KCNQ1: variants seen among roughly 807,000 people sequenced by gnomAD.
KCNQ1 encodes the protein potassium voltage-gated channel subfamily KQT member 1.
KCNQ1 carries 49 observed loss-of-function variants against 72.4 expected under a neutral mutation model. That is an observed-to-expected ratio of 0.68 (90% CI 0.54 to 0.86). The LOEUF is 0.86. Ranked by LOEUF, KCNQ1 falls within the 40% of genes least tolerant of loss-of-function variation. KCNQ1 has a pLI of 0.00. For missense variants in KCNQ1, 790 were observed against 945.1 expected, an observed-to-expected ratio of 0.84 and a Z score of 2.15; for synonymous variants, 450 against 412.6, an observed-to-expected ratio of 1.09 and a Z score of -1.10.
rs1237096463 is a variant in KCNQ1, at chr11:2,734,711, G to A, written c.1515-34133G>A. Among the ~76,000 whole-genome samples the A allele has an allele frequency of 6.6e-6, 1 of 152,048 alleles. No homozygotes were observed. Among genetic ancestry groups the A allele is most frequent in the Non-Finnish European group, 1.5e-5 (1 of 68,008 alleles). ...CACATTCAGTGCCAGCCAGGGAGGT[G>A]AGAGGTAATCCTGGAAGCTGCTATG... On this transcript the variant is annotated intron_variant, in intron 11 of 15. Transcript: ENST00000155840. The surrounding 1 kb of genome is among the most constrained non-coding windows in gnomAD (Gnocchi z 7.0).
chr11:2,570,464 G>C (rs1036784981), intron 2 of KCNQ1, among the ~76,000 whole-genome samples, 164 bp from the exon 3 acceptor site: 4 of 152,224 alleles, frequency 2.6e-5, no homozygotes, highest in African/African-American at 7.2e-5. Flanking sequence ...CAGGGCCTCT[G>C]TGCGCAGGCA....
chr11:2,841,473 TG>T, intron 15 of KCNQ1, among the ~76,000 whole-genome samples: 1 of 151,890 alleles, frequency 6.6e-6, no homozygotes, highest in South Asian at 2.1e-4. Flanking sequence ...GCAAGGGGCA[TG>T]GGGGGCAGGC....
At position 2,738,433 on chromosome 11, in the gene KCNQ1, G is replaced by A. The variant is rs76298423; in HGVS notation, c.1515-30411G>A. On this transcript the variant is annotated intron_variant, in intron 11 of 15. Coordinates refer to ENST00000155840, the MANE Select transcript of KCNQ1 (RefSeq NM_000218.3). ...GCGCCATGTGAGAATGCAGCAGGTC[G>A]GGGCCACTGGCACTAGCGTGTGTGA... 7.7e-3 allele frequency among the ~76,000 whole-genome samples: 1,178 copies of A among 152,310 alleles called. 12 individuals carry two copies. The highest frequency in any genetic ancestry group is 0.027 in the African/African-American group (1,110 of 41,568).
intron 10 of KCNQ1, among the ~76,000 whole-genome samples, chr11:2,606,894 T>C (rs1326115374): frequency 3.4e-5 from 2 of 58,798 alleles, no homozygotes; most frequent in Non-Finnish European, 5.9e-5. Context: ...TATCTGTGAT[T>C]TTTTTTTTTT....
rs1850171152 is a variant in KCNQ1 at position 2,670,860 on chromosome 11, G to A, written c.1514+8779G>A. On this transcript the variant is annotated intron_variant, in intron 11 of 15. Coordinates refer to ENST00000155840, the MANE Select transcript of KCNQ1 (RefSeq NM_000218.3). The surrounding 1 kb of genome is among the most constrained non-coding windows in gnomAD (Gnocchi z 4.9). ...CCAAGGAGGTCAAAGGTCCTCACTG[G>A]CCAGTGGGCCACTGGGAAGCCTCCT... 2.5e-6 allele frequency: 1 copy of A among 398,614 alleles called. No individual in the cohort carries two copies. Among genetic ancestry groups the A allele is most frequent in the East Asian group, 3.6e-5 (1 of 28,068 alleles). 24.7% of individuals were successfully genotyped at this position (398,614 alleles called of 1,614,324 possible).
Position 2,669,072 on chromosome 11 carries a change from G to A in KCNQ1, c.1514+6991G>A. On this transcript the variant is annotated intron_variant, in intron 11 of 15. Coordinates refer to ENST00000155840, the MANE Select transcript of KCNQ1 (RefSeq NM_000218.3). The surrounding 1 kb of genome is among the most constrained non-coding windows in gnomAD (Gnocchi z 5.6). ...AGGCCCGTCCTCTCCCAACTACCCT[G>A]CCGTATCAGTGTCTTTACAATCAGC... is the stretch of plus-strand genomic sequence containing the variant. The A allele has an allele frequency of 2.5e-6, 1 of 398,718 alleles. No homozygotes were observed. The highest frequency in any genetic ancestry group is 4.4e-6 in the Non-Finnish European group (1 of 226,110). 24.7% of individuals were successfully genotyped at this position (398,718 alleles called of 1,614,324 possible).
chr11:2,662,707 G>T (rs1035570425), intron 11 of KCNQ1: 1 of 401,808 alleles, frequency 2.5e-6, no homozygotes, highest in Non-Finnish European at 4.4e-6. Context: ...GTGCAGCGGG[G>T]TCAGTGGGGC....
Position 2,471,677 on chromosome 11 carries a change from CAT to C in KCNQ1, c.386+26194_386+26195del, listed in dbSNP as rs374929764. On this transcript the variant is annotated intron_variant, in intron 1 of 15. Coordinates refer to ENST00000155840, the MANE Select transcript of KCNQ1 (RefSeq NM_000218.3). This position sits in a 1 kb window ranked among gnomAD's most constrained non-coding sequence, Gnocchi z 4.8. Reference sequence around the variant, plus strand: ...GTATGGGTGTGTGCATGGGTGTGCACATGTGTATGGGTGTGCATGTGTGTATA... The same window carrying C: ...GTATGGGTGTGTGCATGGGTGTGCACGTGTATGGGTGTGCATGTGTGTATA... Among the ~76,000 whole-genome samples, 21 of 149,734 alleles carry C rather than the reference CAT, an allele frequency of 1.4e-4. No individual in the cohort carries two copies. The highest frequency in any genetic ancestry group is 4.7e-4 in the African/African-American group (19 of 40,382).
At chr11:2,456,973 A>C (rs1261105112) in intron 1 of KCNQ1, among the ~76,000 whole-genome samples, 1 of 151,124 alleles carries the variant, frequency 6.6e-6, no homozygotes, top group Admixed American at 6.6e-5. Flanking sequence ...AAACCCAAAA[A>C]AACAAAAAGT....
intron 6 of KCNQ1, among the ~76,000 whole-genome samples, chr11:2,575,896 G>A (rs956265842): frequency 3.1e-4 from 47 of 152,328 alleles, no homozygotes; most frequent in African/African-American, 1.0e-3. Context: ...GCCAGAGCCC[G>A]AAGCGAGGTG....
intron 2 of KCNQ1, among the ~76,000 whole-genome samples, chr11:2,540,073 T>C (rs1345620924): frequency 2.0e-5 from 3 of 152,010 alleles, no homozygotes; most frequent in South Asian, 2.1e-4. Context: ...AGGGAAGTCA[T>C]TGGGGGATAA....
intron 12 of KCNQ1, among the ~76,000 whole-genome samples, chr11:2,771,001 C>T (rs1045826929): frequency 1.3e-5 from 2 of 152,210 alleles, no homozygotes; most frequent in Non-Finnish European, 2.9e-5. Context: ...TCGTGACAGC[C>T]GAAGCAGCTG....
Position 2,658,019 on chromosome 11 carries a change from T to TA in KCNQ1, c.1394-3941dup. Reference sequence around the variant, plus strand: ...GTGAATAGCTGTTTTTCCCTTTCCATAGCTTAGTCTTTAGAAGCGAGTCAC... The same window carrying TA: ...GTGAATAGCTGTTTTTCCCTTTCCATAAGCTTAGTCTTTAGAAGCGAGTCAC... On this transcript the variant is annotated intron_variant, in intron 10 of 15. Coordinates refer to ENST00000155840, the MANE Select transcript of KCNQ1 (RefSeq NM_000218.3). The surrounding 1 kb of genome is among the most constrained non-coding windows in gnomAD (Gnocchi z 4.9). 2.5e-6 allele frequency: 1 copy of TA among 398,572 alleles called. No individual in the cohort carries two copies. Among genetic ancestry groups the TA allele is most frequent in the Admixed American group, 4.4e-5 (1 of 22,738 alleles). 24.7% of individuals were successfully genotyped at this position (398,572 alleles called of 1,614,324 possible).
At position 2,703,548 on chromosome 11, in the gene KCNQ1, C is replaced by G. The variant is rs1850856277; in HGVS notation, c.1514+41467C>G. Among the ~76,000 whole-genome samples the G allele has an allele frequency of 6.6e-6, 1 of 152,182 alleles. No individual in the cohort carries two copies. The highest frequency in any genetic ancestry group is 1.5e-5 in the Non-Finnish European group (1 of 68,042). On this transcript the variant is annotated intron_variant, in intron 11 of 15. Coordinates refer to ENST00000155840, the MANE Select transcript of KCNQ1 (RefSeq NM_000218.3). The surrounding 1 kb of genome is among the most constrained non-coding windows in gnomAD (Gnocchi z 6.4). ...AATTAGGCTCAAAACGTCCACTCGG[C>G]TTTTCTCTTGATTCCAAGGTATTTA...
Position 2,554,235 on chromosome 11 carries a change from T to G in KCNQ1, c.478-16393T>G, listed in dbSNP as rs370820562. Among the ~76,000 whole-genome samples, 16 of 152,334 alleles carry G rather than the reference T, an allele frequency of 1.1e-4. 1 individual carries two copies. In the East Asian group the frequency reaches 2.1e-3, roughly 20 times the overall value. ...TGTAGAATTGCAATTATTTCTCCCT[T>G]AAACATTTGATAGCTAGAACATGTG... On this transcript the variant is annotated intron_variant, in intron 2 of 15. Transcript: ENST00000155840.
Position 2,623,588 on chromosome 11 carries a change from C to A in KCNQ1, c.1393+34734C>A, listed in dbSNP as rs1186126546. The A allele has an allele frequency of 7.5e-6, 3 of 398,370 alleles. No individual in the cohort carries two copies. Among genetic ancestry groups the A allele is most frequent in the Non-Finnish European group, 1.3e-5 (3 of 226,024 alleles). 24.7% of individuals were successfully genotyped at this position (398,370 alleles called of 1,614,324 possible). A position where few individuals can be genotyped will look rare whatever the true frequency, so the allele number is the denominator to read the frequency against. ...TTTTTTAATTACCTCCATATCTTTT[C>A]ATGGCTTGATAGCTCATTTCTATTT... On this transcript the variant is annotated intron_variant, in intron 10 of 15. Coordinates refer to ENST00000155840, the MANE Select transcript of KCNQ1 (RefSeq NM_000218.3). This position sits in a 1 kb window ranked among gnomAD's most constrained non-coding sequence, Gnocchi z 5.2.
At chr11:2,696,716 A>G in intron 11 of KCNQ1, 1 of 398,536 alleles carries the variant, frequency 2.5e-6, no homozygotes, top group Non-Finnish European at 4.4e-6. Context: ...ATATGGAAAG[A>G]TCTCCCTCTA....
In KCNQ1 at chr11:2,458,658, TGGA is replaced by T. The variant is rs1846230050; in HGVS notation, c.386+13175_386+13177del. Among the ~76,000 whole-genome samples the T allele has an allele frequency of 1.1e-5, 1 of 87,376 alleles. No individual in the cohort carries two copies. Among genetic ancestry groups the T allele is most frequent in the African/African-American group, 5.3e-5 (1 of 18,706 alleles). The allele number at this position is 87,376 out of a possible 152,430, so 57.3% of individuals were successfully genotyped here. The stretch of plus-strand genomic sequence containing the variant: ...CTGGATGGATGGATGGATGGATGGA[TGGA>T]TGGATGGATGGATGGATGGATGGAT... On this transcript the variant is annotated intron_variant, in intron 1 of 15. Coordinates refer to ENST00000155840, the MANE Select transcript of KCNQ1 (RefSeq NM_000218.3). This position sits in a 1 kb window ranked among gnomAD's most constrained non-coding sequence, Gnocchi z 4.6.
At chr11:2,758,393 AATG>A (rs1323348490) in intron 11 of KCNQ1, among the ~76,000 whole-genome samples, 1 of 152,238 alleles carries the variant, frequency 6.6e-6, no homozygotes, top group African/African-American at 2.4e-5. Flanking sequence ...AATGAAAAGT[AATG>A]ATGACACCAA....
Sources: gnomAD v4.1 joint callset for allele counts (sites outside exome capture counted in the v4.1 genomes callset) on GRCh38, gnomAD v4.1.1 for gene constraint, Gnocchi (gnomAD v3.1) non-coding constraint, MANE v1.5 for transcripts, NCBI Gene and HGNC (gene_info 2026-07-23, HGNC 2026-07-21) for gene names.